COPG2: variants seen among roughly 807,000 people sequenced by gnomAD.
COPG2 encodes coat protein complex I subunit gamma 2, also known as coatomer subunit gamma-2.
COPG2 carries 37 observed loss-of-function variants against 46.3 expected under a neutral mutation model. That is an observed-to-expected ratio of 0.80 (90% CI 0.61 to 1.05). COPG2 has a LOEUF of 1.05. COPG2 is among the 50% of genes least tolerant of loss of function. The probability of loss-of-function intolerance (pLI) is 0.00; values close to 1 mark genes in which losing one functional copy is unlikely to be tolerated. For synonymous variants in COPG2, 159 were observed against 129.7 expected (o/e 1.23, Z -1.53); for missense variants, 427 against 387.8 (o/e 1.10, Z -0.85).
chr7:130,644,036 G>A (rs1281175472), intron 5 of COPG2, among the ~76,000 whole-genome samples: 1 of 152,132 alleles, frequency 6.6e-6, no homozygotes, highest in Non-Finnish European at 1.5e-5. Flanking sequence ...AACAACTTTG[G>A]CAGTTTGGTT....
chr7:130,587,578 C>T (rs1317432875), intron 9 of COPG2, among the ~76,000 whole-genome samples: 1 of 152,064 alleles, frequency 6.6e-6, no homozygotes, highest in Non-Finnish European at 1.5e-5. Context: ...GCTGGGAAAA[C>T]TGGCTAGCCA....
chr7:130,627,337 T>C (rs1237592798), intron 5 of COPG2, among the ~76,000 whole-genome samples: 1 of 152,140 alleles, frequency 6.6e-6, no homozygotes, highest in African/African-American at 2.4e-5. Context: ...CCTGCACAAA[T>C]AATTCACAAT....
intron 22 of COPG2, 154 bp from the exon 23 acceptor site, chr7:130,507,526 T>G: frequency 1.5e-6 from 1 of 663,596 alleles, no homozygotes; most frequent in East Asian, 2.6e-5. Flanking sequence ...GACTAGAAAA[T>G]GGCTGATCAA....
intron 9 of COPG2, among the ~76,000 whole-genome samples, chr7:130,587,948 A>G (rs1430626968): frequency 4.6e-5 from 7 of 151,280 alleles, no homozygotes; most frequent in South Asian, 4.2e-4. Context: ...AATTTACAAG[A>G]AAAAAAAACA....
At chr7:130,551,983 T>G (rs1273512282) in intron 15 of COPG2, among the ~76,000 whole-genome samples, 5 of 152,256 alleles carry the variant, frequency 3.3e-5, no homozygotes, top group African/African-American at 7.2e-5. Flanking sequence ...CTCAAAATCA[T>G]GTGAGAGAAA....
intron 5 of COPG2, among the ~76,000 whole-genome samples, chr7:130,643,131 C>T (rs1554457590): frequency 1.3e-5 from 2 of 152,008 alleles, no homozygotes; most frequent in African/African-American, 2.4e-5. Context: ...CCCGTCTCTA[C>T]TAAAAATACA....
At chr7:130,660,920 C>T (rs1795964763) in intron 4 of COPG2, among the ~76,000 whole-genome samples, 1 of 152,212 alleles carries the variant, frequency 6.6e-6, no homozygotes, top group African/African-American at 2.4e-5. Context: ...GAAGATTCCA[C>T]AGTCGATGTT....
At chr7:130,577,259 T>TG (rs1794017912) in intron 9 of COPG2, among the ~76,000 whole-genome samples, 1 of 152,230 alleles carries the variant, frequency 6.6e-6, no homozygotes, top group South Asian at 2.1e-4. Flanking sequence ...TCTGAGGTAC[T>TG]GGGTTCATCT....
At chr7:130,655,364 A>G (rs558894903) in intron 4 of COPG2, among the ~76,000 whole-genome samples, 2 of 152,202 alleles carry the variant, frequency 1.3e-5, no homozygotes, top group Non-Finnish European at 1.5e-5. Context: ...TTTCCTTTTG[A>G]GAACTATACC....
At chr7:130,555,666 A>T (rs1793609576) in intron 12 of COPG2, among the ~76,000 whole-genome samples, 1 of 99,198 alleles carries the variant, frequency 1.0e-5, no homozygotes, top group Non-Finnish European at 2.5e-5. Flanking sequence ...GTTTCTACTA[A>T]AAAAATACAA....
At chr7:130,532,110 G>C (rs953345124) in intron 20 of COPG2, among the ~76,000 whole-genome samples, 1 of 152,174 alleles carries the variant, frequency 6.6e-6, no homozygotes, top group Non-Finnish European at 1.5e-5. Flanking sequence ...AGGGGAAGAC[G>C]CACGTGCAGC....
chr7:130,615,976 A>G (rs527596905), intron 6 of COPG2, among the ~76,000 whole-genome samples: 43 of 152,324 alleles, frequency 2.8e-4, no homozygotes, highest in Non-Finnish European at 5.4e-4. Flanking sequence ...ACAAAAAGAC[A>G]AGCCTTTTCA....
intron 5 of COPG2, among the ~76,000 whole-genome samples, chr7:130,641,878 C>T (rs1008476888): frequency 3.3e-5 from 5 of 152,180 alleles, no homozygotes; most frequent in African/African-American, 9.7e-5. Flanking sequence ...CAATTGATTT[C>T]AAAACTGCCT....
intron 2 of COPG2, 122 bp from the exon 3 acceptor site, chr7:130,667,051 C>T: frequency 1.7e-6 from 1 of 591,528 alleles, no homozygotes; most frequent in East Asian, 3.0e-5. Flanking sequence ...CTATAGTTCT[C>T]AATTTACTAA....
intron 9 of COPG2, among the ~76,000 whole-genome samples, chr7:130,596,770 C>T (rs1794535524): frequency 6.6e-6 from 1 of 152,200 alleles, no homozygotes; most frequent in Admixed American, 6.5e-5. Context: ...CACATTAGAA[C>T]CACCAGCTCA....
intron 9 of COPG2, among the ~76,000 whole-genome samples, chr7:130,588,045 ATGCTCACCATCAC>A (rs2116453855): frequency 6.6e-6 from 1 of 152,260 alleles, no homozygotes; most frequent in East Asian, 1.9e-4. Flanking sequence ...ACATGAAAAA[ATGCTCACCATCAC>A]TGGCCATCAG....
intron 9 of COPG2, among the ~76,000 whole-genome samples, chr7:130,596,313 C>A (rs782226418): frequency 4.6e-5 from 7 of 152,216 alleles, no homozygotes; most frequent in Non-Finnish European, 1.0e-4. Flanking sequence ...TCATACTTCA[C>A]ACAAAAGTTT....
At chr7:130,551,925 A>T (rs1793539250) in intron 15 of COPG2, among the ~76,000 whole-genome samples, 1 of 152,232 alleles carries the variant, frequency 6.6e-6, no homozygotes, top group African/African-American at 2.4e-5. Flanking sequence ...AGTTTTTTTA[A>T]GTAAGCCCCT....
intron 5 of COPG2, among the ~76,000 whole-genome samples, chr7:130,640,264 C>G (rs1302735495): frequency 7.1e-6 from 1 of 141,566 alleles, no homozygotes; most frequent in African/African-American, 2.6e-5. Context: ...CTGATTCAGT[C>G]TGCCCTTGGG....
Sources: allele counts gnomAD v4.1 joint callset (sites outside exome capture counted in the v4.1 genomes callset), GRCh38; gene constraint gnomAD v4.1.1; transcripts MANE v1.5; gene names NCBI Gene and HGNC (gene_info 2026-07-23, HGNC 2026-07-21).